Variants in PTPN11 observed in about 807,000 individuals in gnomAD.
PTPN11 encodes protein tyrosine phosphatase non-receptor type 11.
PTPN11 carries 6 observed loss-of-function variants against 78.8 expected under a neutral mutation model. The observed-to-expected ratio is 0.08, with a 90% CI of 0.04 to 0.15. PTPN11 has a LOEUF of 0.15. Ranked by LOEUF, PTPN11 falls within the 10% of genes least tolerant of loss-of-function variation. The probability of loss-of-function intolerance (pLI) is 1.00; values close to 1 mark genes in which losing one functional copy is unlikely to be tolerated. For missense variants in PTPN11, 386 were observed against 744.8 expected (o/e 0.52, Z 5.61); for synonymous variants, 221 against 263.5 (o/e 0.84, Z 1.56).
At chr12:112,466,365 C>T (rs2038325683) in intron 6 of PTPN11, among the ~76,000 whole-genome samples, 1 of 152,144 alleles carries the variant, frequency 6.6e-6, no homozygotes, top group South Asian at 2.1e-4. Context: ...AATCTGCACA[C>T]AGGCCAGTAC....
intron 2 of PTPN11, among the ~76,000 whole-genome samples, chr12:112,447,590 C>T (rs796335720): frequency 3.3e-5 from 5 of 152,002 alleles, no homozygotes; most frequent in African/African-American, 1.2e-4. Context: ...ACCTCAGCCT[C>T]CTGGGTTCAA....
At chr12:112,490,307 T>C (rs1399296225) in intron 13 of PTPN11, among the ~76,000 whole-genome samples, 1 of 148,280 alleles carries the variant, frequency 6.7e-6, no homozygotes, top group African/African-American at 2.5e-5. Flanking sequence ...GGGATGTCTT[T>C]TTTTTTTTTT....
chr12:112,498,028 C>T (rs946548089), intron 13 of PTPN11, among the ~76,000 whole-genome samples: 1 of 152,080 alleles, frequency 6.6e-6, no homozygotes, highest in African/African-American at 2.4e-5. Context: ...TGGCTCACAC[C>T]TGTAGTCCCA....
Position 112,506,943 on chromosome 12 carries a change from C to A in PTPN11, c.*1151C>A. The A allele has an allele frequency of 4.5e-6, 1 of 222,426 alleles. No individual in the cohort carries two copies. Among genetic ancestry groups the A allele is most frequent in the South Asian group, 7.0e-5 (1 of 14,202 alleles). The allele number at this position is 222,426 out of a possible 1,614,324, so 13.8% of individuals were successfully genotyped here. On this transcript the variant is annotated 3_prime_UTR_variant, in exon 16 of 16. Coordinates refer to ENST00000351677, the MANE Select transcript of PTPN11 (RefSeq NM_002834.5). ...GTCACAGTGTCCCTTCTACTTCCCT[C>A]TATTGATGATGATGATGATGATGAT...
At position 112,509,157 on chromosome 12, in the gene PTPN11, C is replaced by T. The variant is rs1201887598; in HGVS notation, c.*3365C>T. On this transcript the variant is annotated 3_prime_UTR_variant, in exon 16 of 16. Transcript: ENST00000351677. Reference sequence around the variant, plus strand: ...CATGGCCTCCCTGATGTCAGGATGCCTTTGTTAGGATCTGTATTTGCCCTT... The same window carrying T: ...CATGGCCTCCCTGATGTCAGGATGCTTTTGTTAGGATCTGTATTTGCCCTT... The T allele has an allele frequency of 6.6e-6, 1 of 152,188 alleles. No homozygotes were observed. Among genetic ancestry groups the T allele is most frequent in the Non-Finnish European group, 1.5e-5 (1 of 68,034 alleles). 9.4% of individuals were successfully genotyped at this position (152,188 alleles called of 1,614,324 possible). A position where few individuals can be genotyped will look rare whatever the true frequency, so the allele number is the denominator to read the frequency against.
intron 1 of PTPN11, among the ~76,000 whole-genome samples, chr12:112,439,401 C>T (rs1160087011): frequency 1.3e-5 from 2 of 152,124 alleles, no homozygotes; most frequent in Admixed American, 1.3e-4. Flanking sequence ...TCAAGTGATT[C>T]TCATGCCTCA....
At chr12:112,471,492 C>A (rs971359103) in intron 6 of PTPN11, among the ~76,000 whole-genome samples, 3 of 131,196 alleles carry the variant, frequency 2.3e-5, no homozygotes, top group African/African-American at 9.1e-5. Context: ...GAGAGAGAGA[C>A]CCTGTCTTAT....
At chr12:112,494,829 A>G (rs746678128) in intron 13 of PTPN11, among the ~76,000 whole-genome samples, 20 of 152,164 alleles carry the variant, frequency 1.3e-4, no homozygotes, top group Non-Finnish European at 2.1e-4. Context: ...TTTTGATTTT[A>G]TGATGGTTTG....
chr12:112,450,593 ACT>A (rs1474450098), intron 3 of PTPN11, 81 bp downstream of exon 3: 1 of 1,319,556 alleles, frequency 7.6e-7, no homozygotes, highest in Non-Finnish European at 1.1e-6. Flanking sequence ...TCTGTGTATG[ACT>A]CTCTGACTCC....
rs2135867441 is a variant in PTPN11 at position 112,453,365 on chromosome 12, C to A, written c.503C>A (p.Thr168Asn). The change falls in exon 4 of 16, where the codon ACC becomes AAC. Residue 168 changes from threonine to asparagine, a missense_variant. Around this residue, in one of 3 missense-constraint regions of PTPN11, gnomAD observed 279 missense variants for 503.3 expected, o/e 0.55. Coordinates refer to ENST00000351677, the MANE Select transcript of PTPN11 (RefSeq NM_002834.5). ...GESNDGKSKV[T>N]HVMIRCQELK... is the part of the protein sequence containing the mutation. ...AGCAATGACGGCAAGTCTAAAGTGA[C>A]CCATGTTATGATTCGCTGTCAGGTA... 1 of 1,614,030 alleles carries A rather than the reference C, an allele frequency of 6.2e-7. No homozygotes were observed.
chr12:112,501,316 C>T (rs2038872222), intron 13 of PTPN11, among the ~76,000 whole-genome samples: 1 of 152,060 alleles, frequency 6.6e-6, no homozygotes, highest in African/African-American at 2.4e-5. Flanking sequence ...TCATCAGAAC[C>T]AAAAATAAAG....
Position 112,492,671 on chromosome 12 carries a change from T to C in PTPN11, c.1599+3496T>C, listed in dbSNP as rs11066325. Among the ~76,000 whole-genome samples the C allele has an allele frequency of 0.01, 1,564 of 152,008 alleles. 140 individuals carry two copies. The East Asian group carries it at 0.23, about 22-fold the overall frequency. ...TAGTTGGGACTACAGGCGCCCGCCA[T>C]CACACCTGGCTAATTTTTTGTATTT... is the stretch of plus-strand genomic sequence containing the variant. On this transcript the variant is annotated intron_variant, in intron 13 of 15. Coordinates refer to ENST00000351677, the MANE Select transcript of PTPN11 (RefSeq NM_002834.5).
chr12:112,431,265 G>A (rs191555692), intron 1 of PTPN11, among the ~76,000 whole-genome samples: 1 of 152,324 alleles, frequency 6.6e-6, no homozygotes, highest in East Asian at 1.9e-4. Flanking sequence ...ATACGGTGGT[G>A]AAGAAATAGA....
At chr12:112,433,681 T>C (rs1464051132) in intron 1 of PTPN11, among the ~76,000 whole-genome samples, 3 of 152,254 alleles carry the variant, frequency 2.0e-5, no homozygotes, top group Non-Finnish European at 2.9e-5. Context: ...CTGGGCGCAG[T>C]GGCTCATGCC....
intron 1 of PTPN11, among the ~76,000 whole-genome samples, chr12:112,421,238 C>T (rs1315565352): frequency 6.6e-6 from 1 of 152,144 alleles, no homozygotes; most frequent in Admixed American, 6.6e-5. Flanking sequence ...TGTTAACCAG[C>T]CTTAATGAGG....
intron 1 of PTPN11, among the ~76,000 whole-genome samples, chr12:112,429,037 G>C (rs561583445): frequency 6.6e-6 from 1 of 152,130 alleles, no homozygotes; most frequent in African/African-American, 2.4e-5. Flanking sequence ...GTGAGCCACC[G>C]CGTCCGGCCT....
rs11066307 is a variant in PTPN11 at position 112,441,550 on chromosome 12, A to C, written c.15-4726A>C. 1.8e-4 allele frequency among the ~76,000 whole-genome samples: 27 copies of C among 152,288 alleles called. No homozygotes were observed. In the East Asian group the frequency reaches 5.2e-3, roughly 29 times the overall value. ...AGTGCTGGGATTACAGGTGTGAGCC[A>C]CTGTGCCTGGTCTCCTTCACTGTTG... On this transcript the variant is annotated intron_variant, in intron 1 of 15. Coordinates refer to ENST00000351677, the MANE Select transcript of PTPN11 (RefSeq NM_002834.5).
At chr12:112,430,836 C>T (rs984930584) in intron 1 of PTPN11, among the ~76,000 whole-genome samples, 2 of 151,882 alleles carry the variant, frequency 1.3e-5, no homozygotes, top group African/African-American at 4.8e-5. Context: ...CACGGGGAGG[C>T]TTTGGAGCAA....
intron 13 of PTPN11, among the ~76,000 whole-genome samples, chr12:112,491,154 C>T (rs968447042): frequency 1.9e-4 from 29 of 151,934 alleles, no homozygotes; most frequent in Non-Finnish European, 4.0e-4. Context: ...ATGTGGGAAT[C>T]CAGGGGAAAG....
Sources: allele counts gnomAD v4.1 joint callset (sites outside exome capture counted in the v4.1 genomes callset), GRCh38; gene constraint gnomAD v4.1.1; regional missense constraint gnomAD v4.1.1; transcripts MANE v1.5; gene names NCBI Gene and HGNC (gene_info 2026-07-23, HGNC 2026-07-21).